The following TDRD9 variants were observed in gnomAD, a reference collection of about 807,000 sequenced individuals.
TDRD9 encodes tudor domain containing 9.
In TDRD9, 124 loss-of-function variants were observed where a neutral mutation model predicts 172.6. That is an observed-to-expected ratio of 0.72 (90% confidence interval 0.62 to 0.83). The LOEUF is 0.83. Ranked by LOEUF, TDRD9 falls within the 40% of genes least tolerant of loss-of-function variation. The pLI, the probability that TDRD9 is intolerant of heterozygous loss-of-function variation, is 0.00. For missense variants in TDRD9, 1,479 were observed against 1,714.1 expected, an observed-to-expected ratio of 0.86 and a Z score of 2.42; for synonymous variants, 619 against 617.1, an observed-to-expected ratio of 1.00 and a Z score of -0.05.
intron 8 of TDRD9, among the ~76,000 whole-genome samples, chr14:103,988,414 C>T (rs541688655): frequency 2.6e-5 from 4 of 152,232 alleles, no homozygotes; most frequent in East Asian, 3.9e-4. Context: ...CCTCGTGATG[C>T]GCCCGCCTCG....
intron 7 of TDRD9, among the ~76,000 whole-genome samples, chr14:103,982,052 G>A (rs1267066910): frequency 6.6e-6 from 1 of 152,130 alleles, no homozygotes; most frequent in Non-Finnish European, 1.5e-5. Context: ...ACTGTCTGCT[G>A]TTACAAGGGA....
intron 33 of TDRD9, 101 bp from the exon 34 acceptor site, chr14:104,041,965 CTGA>C (rs200603318): frequency 0.017 from 13,571 of 793,254 alleles, 187 homozygotes; most frequent in Non-Finnish European, 0.023. Flanking sequence ...ATAAACCATA[CTGA>C]TGACAGAGAA....
intron 8 of TDRD9, among the ~76,000 whole-genome samples, chr14:103,990,198 G>A (rs2033816979): frequency 6.6e-6 from 1 of 152,250 alleles, no homozygotes; most frequent in Non-Finnish European, 1.5e-5. Flanking sequence ...AGCATCCCAT[G>A]CAGGCCCATC....
rs540562024 is a variant in TDRD9 at position 104,005,108 on chromosome 14, T to A, written c.1582-166T>A. Reference sequence around the variant, plus strand: ...CCATCTCTTTCTCTCCTGTTCTTTCTTCTTCTCTCTCCCTTCTCTTCTCTC... The same window carrying A: ...CCATCTCTTTCTCTCCTGTTCTTTCATCTTCTCTCTCCCTTCTCTTCTCTC... On this transcript the variant is annotated intron_variant, in intron 14 of 35. Coordinates refer to ENST00000409874, the MANE Select transcript of TDRD9 (RefSeq NM_153046.3). 9 of 562,814 alleles carry A rather than the reference T, an allele frequency of 1.6e-5. No individual in the cohort carries two copies. In the African/African-American group the frequency reaches 1.7e-4, roughly 11 times the overall value. 34.9% of individuals were successfully genotyped at this position (562,814 alleles called of 1,614,324 possible). A position where few individuals can be genotyped will look rare whatever the true frequency, so the allele number is the denominator to read the frequency against.
chr14:103,993,501 A>G (rs1595958942), intron 9 of TDRD9, among the ~76,000 whole-genome samples: 1 of 152,222 alleles, frequency 6.6e-6, no homozygotes, highest in Admixed American at 6.5e-5. Context: ...TTAAAAGAAC[A>G]GTCATTTATT....
intron 13 of TDRD9, among the ~76,000 whole-genome samples, chr14:104,002,743 T>G (rs1290373391): frequency 1.1e-5 from 1 of 91,510 alleles, no homozygotes; most frequent in Non-Finnish European, 2.9e-5. Context: ...TTTTTTTTTT[T>G]TCTTTTTGAG....
At chr14:103,946,942 T>C (rs2031590964) in intron 1 of TDRD9, among the ~76,000 whole-genome samples, 1 of 152,206 alleles carries the variant, frequency 6.6e-6, no homozygotes. Flanking sequence ...AAGACAATAT[T>C]GTTAAAATGT....
At chr14:103,968,750 T>G (rs1471804362) in intron 5 of TDRD9, among the ~76,000 whole-genome samples, 3 of 90,564 alleles carry the variant, frequency 3.3e-5, no homozygotes, top group Non-Finnish European at 6.3e-5. Context: ...GAGCTGAGAT[T>G]GCGCCACTGC....
intron 6 of TDRD9, among the ~76,000 whole-genome samples, chr14:103,975,150 T>G (rs1332057050): frequency 6.6e-6 from 1 of 152,180 alleles, no homozygotes; most frequent in Non-Finnish European, 1.5e-5. Flanking sequence ...TAATTTACCC[T>G]TATTGGAGAT....
chr14:103,977,386 G>C (rs186359224), intron 7 of TDRD9, among the ~76,000 whole-genome samples: 7 of 149,176 alleles, frequency 4.7e-5, no homozygotes, highest in African/African-American at 1.7e-4. Context: ...CCAGCTACTC[G>C]GGAAGCTGAG....
chr14:103,960,994 C>CT (rs1284204010), intron 2 of TDRD9, among the ~76,000 whole-genome samples: 1 of 152,162 alleles, frequency 6.6e-6, no homozygotes, highest in African/African-American at 2.4e-5. Context: ...TCCTCAGCTT[C>CT]TTACTCCCAC....
chr14:103,983,439 G>T (rs964587305), intron 7 of TDRD9, among the ~76,000 whole-genome samples: 6 of 152,048 alleles, frequency 3.9e-5, no homozygotes, highest in African/African-American at 1.4e-4. Flanking sequence ...AAAAAAATTT[G>T]CCCCTGTGAT....
At chr14:103,938,432 A>ATTTTTTTTTTTTTTT (rs1343962171) in intron 1 of TDRD9, among the ~76,000 whole-genome samples, 1 of 37,168 alleles carries the variant, frequency 2.7e-5, no homozygotes, top group African/African-American at 1.1e-4. Context: ...ATATATATAT[A>ATTTTTTTTTTTTTTT]TATATATATT....
At chr14:104,027,533 G>T (rs1251660781) in intron 28 of TDRD9, among the ~76,000 whole-genome samples, 1 of 152,028 alleles carries the variant, frequency 6.6e-6, no homozygotes, top group Non-Finnish European at 1.5e-5. Flanking sequence ...TATTTTTCAC[G>T]ATTTAAAGGT....
intron 13 of TDRD9, among the ~76,000 whole-genome samples, chr14:103,999,097 A>G (rs979654907): frequency 2.0e-5 from 3 of 152,156 alleles, no homozygotes; most frequent in Non-Finnish European, 4.4e-5. Flanking sequence ...CCGGCCATTC[A>G]GATGCTTTTC....
At chr14:103,943,435 A>G (rs887114343) in intron 1 of TDRD9, among the ~76,000 whole-genome samples, 5 of 150,560 alleles carry the variant, frequency 3.3e-5, no homozygotes, top group Middle Eastern at 3.2e-3. Context: ...ATATATACGC[A>G]TATGTATATG....
chr14:104,016,358 T>C (rs1234943680), intron 22 of TDRD9, among the ~76,000 whole-genome samples: 1 of 152,170 alleles, frequency 6.6e-6, no homozygotes, highest in Non-Finnish European at 1.5e-5. Flanking sequence ...TTTGATCATG[T>C]GCTATTTTGA....
chr14:103,993,169 C>T (rs753931841), intron 9 of TDRD9, among the ~76,000 whole-genome samples: 5 of 150,948 alleles, frequency 3.3e-5, no homozygotes, highest in East Asian at 2.0e-4. Context: ...TTTGTGGAGA[C>T]GGTTTAACTA....
At chr14:103,991,812 C>T (rs1156486766) in intron 9 of TDRD9, among the ~76,000 whole-genome samples, 1 of 150,164 alleles carries the variant, frequency 6.7e-6, no homozygotes, top group Non-Finnish European at 1.5e-5. Flanking sequence ...GGCAGGGGTA[C>T]AGTGGCAAAA....
Sources: allele counts gnomAD v4.1 joint callset (sites outside exome capture counted in the v4.1 genomes callset), GRCh38; gene constraint gnomAD v4.1.1; transcripts MANE v1.5; gene names NCBI Gene and HGNC (gene_info 2026-07-23, HGNC 2026-07-21).